The following PDE8A variants were observed in gnomAD, a reference collection of about 807,000 sequenced individuals.
The protein encoded by PDE8A is phosphodiesterase 8A.
A neutral mutation model predicts 105.0 loss-of-function variants in PDE8A; 59 were observed. The observed-to-expected ratio is 0.56, with a 90% CI of 0.46 to 0.70. The LOEUF (loss-of-function observed/expected upper bound fraction) is 0.70, where lower values mean the gene tolerates loss of function less well. Ranked by LOEUF, PDE8A falls within the 30% of genes least tolerant of loss-of-function variation. PDE8A has a pLI of 0.00. For missense variants in PDE8A, 1,014 were observed against 1,045.9 expected, an observed-to-expected ratio of 0.97 and a Z score of 0.42; for synonymous variants, 355 against 371.9, an observed-to-expected ratio of 0.95 and a Z score of 0.52.
chr15:84,989,716 A>G (rs770059789), intron 1 of PDE8A, among the ~76,000 whole-genome samples: 15 of 152,368 alleles, frequency 9.8e-5, no homozygotes, highest in Middle Eastern at 6.8e-3. Context: ...GTAAACTCCA[A>G]GACACTATCG....
At chr15:85,009,041 C>A (rs970968206) in intron 1 of PDE8A, among the ~76,000 whole-genome samples, 2 of 151,664 alleles carry the variant, frequency 1.3e-5, no homozygotes, top group Non-Finnish European at 2.9e-5. Flanking sequence ...AGGAAGTGTC[C>A]TTCACACAAC....
chr15:85,077,565 G>T (rs1271026168), intron 5 of PDE8A, among the ~76,000 whole-genome samples: 1 of 152,126 alleles, frequency 6.6e-6, no homozygotes, highest in East Asian at 1.9e-4. Flanking sequence ...GCCCGCAGAG[G>T]ATCTCCATAA....
intron 1 of PDE8A, among the ~76,000 whole-genome samples, chr15:85,009,610 C>T (rs371904448): frequency 1.1e-4 from 16 of 152,154 alleles, no homozygotes; most frequent in Admixed American, 2.6e-4. Flanking sequence ...AGATTTTCTC[C>T]GGACTGTGGT....
chr15:85,102,230 C>T (rs770000591), intron 11 of PDE8A, among the ~76,000 whole-genome samples: 5 of 152,062 alleles, frequency 3.3e-5, no homozygotes, highest in Non-Finnish European at 5.9e-5. Context: ...ACGAGGGAGT[C>T]TGGAGAGCGT....
chr15:85,110,325 C>G (rs1327164811), intron 12 of PDE8A, among the ~76,000 whole-genome samples: 1 of 152,120 alleles, frequency 6.6e-6, no homozygotes, highest in Non-Finnish European at 1.5e-5. Flanking sequence ...TTTCTTATAA[C>G]TTTTTATGAT....
At chr15:85,009,252 A>T (rs1042735978) in intron 1 of PDE8A, among the ~76,000 whole-genome samples, 1 of 152,100 alleles carries the variant, frequency 6.6e-6, no homozygotes, top group Non-Finnish European at 1.5e-5. Context: ...TATGGAGACA[A>T]TTTTAGTTCT....
At chr15:85,099,277 G>A (rs1038088812) in intron 9 of PDE8A, among the ~76,000 whole-genome samples, 1 of 152,200 alleles carries the variant, frequency 6.6e-6, no homozygotes, top group African/African-American at 2.4e-5. Flanking sequence ...TCTAGCCCAG[G>A]GGTCCAGCTG....
In PDE8A at chr15:85,128,790, A is replaced by T. The variant is rs182604845; in HGVS notation, c.2253+2416A>T. Among the ~76,000 whole-genome samples, 7 of 152,366 alleles carry T rather than the reference A, an allele frequency of 4.6e-5. No individual in the cohort carries two copies. In the East Asian group the frequency reaches 1.3e-3, roughly 29 times the overall value. On this transcript the variant is annotated intron_variant, in intron 20 of 21. Coordinates refer to ENST00000394553, the MANE Select transcript of PDE8A (RefSeq NM_002605.3). ...TAAGCACATGAAAAAAGTGCTGAAC[A>T]TCATTAGTCATCTGGGAAATTCAAA...
chr15:85,116,352 C>A, intron 16 of PDE8A: 1 of 511,886 alleles, frequency 2.0e-6, no homozygotes, highest in Non-Finnish European at 3.5e-6. Context: ...GTGACTTCTC[C>A]AAGTAGCACA....
At chr15:85,034,938 G>A (rs760024556) in intron 1 of PDE8A, among the ~76,000 whole-genome samples, 1 of 152,056 alleles carries the variant, frequency 6.6e-6, no homozygotes, top group Admixed American at 6.5e-5. Flanking sequence ...ATAAATAAGT[G>A]ACCATTAGAC....
chr15:85,109,301 G>T (rs1408058682), intron 12 of PDE8A, among the ~76,000 whole-genome samples, 171 bp downstream of exon 12: 3 of 152,176 alleles, frequency 2.0e-5, no homozygotes, highest in African/African-American at 4.8e-5. Flanking sequence ...CTGCCAATGG[G>T]CTCCATTCTG....
intron 3 of PDE8A, among the ~76,000 whole-genome samples, chr15:85,071,481 G>C (rs1366939800): frequency 2.0e-5 from 3 of 152,222 alleles, no homozygotes; most frequent in Non-Finnish European, 2.9e-5. Flanking sequence ...AAGGGACAGA[G>C]GTATAAGGAA....
intron 1 of PDE8A, among the ~76,000 whole-genome samples, chr15:85,007,187 TAGG>T (rs2080161944): frequency 6.6e-6 from 1 of 151,972 alleles, no homozygotes; most frequent in South Asian, 2.1e-4. Context: ...AGAGGGGGAC[TAGG>T]AGAACAGATG....
intron 1 of PDE8A, among the ~76,000 whole-genome samples, chr15:85,017,077 A>G (rs999208975): frequency 6.6e-6 from 1 of 151,118 alleles, no homozygotes; most frequent in Non-Finnish European, 1.5e-5. Flanking sequence ...CTGGCTAACA[A>G]GGTGAAACCC....
chr15:84,999,304 A>G (rs531801708), intron 1 of PDE8A, among the ~76,000 whole-genome samples: 1 of 152,038 alleles, frequency 6.6e-6, no homozygotes, highest in Admixed American at 6.5e-5. Flanking sequence ...TATTTTTAGT[A>G]GAGATGGGGT....
In PDE8A at chr15:85,055,023, G is replaced by T. The variant is rs374965744; in HGVS notation, c.187-9347G>T. On this transcript the variant is annotated intron_variant, in intron 1 of 21. Coordinates refer to ENST00000394553, the MANE Select transcript of PDE8A (RefSeq NM_002605.3). ...TCTGGTATGTTGTGTCTTTGTTCTC[G>T]TTGGTTTCAAAGAACCTCTTTATTT... 2.7e-4 allele frequency among the ~76,000 whole-genome samples: 41 copies of T among 152,068 alleles called. No homozygotes were observed. The East Asian group carries it at 3.7e-3, about 14-fold the overall frequency.
Position 85,124,991 on chromosome 15 carries a change from G to A in PDE8A, c.2086-1216G>A, listed in dbSNP as rs866931920. 7.6e-4 allele frequency among the ~76,000 whole-genome samples: 116 copies of A among 152,202 alleles called. 2 individuals are homozygous for A. The highest frequency in any genetic ancestry group is 2.7e-3 in the African/African-American group (113 of 41,442). On this transcript the variant is annotated intron_variant, in intron 19 of 21. Transcript: ENST00000394553. ...ATCCAGTGGGTCAGAGCAGGAGAAA[G>A]GAAGATGAAAGAGAATAGTTTCCAG...
intron 1 of PDE8A, among the ~76,000 whole-genome samples, chr15:85,044,930 C>G (rs1164925828): frequency 2.0e-5 from 3 of 152,128 alleles, no homozygotes; most frequent in Non-Finnish European, 4.4e-5. Flanking sequence ...ATCGTATGAC[C>G]CCTGCTTAGC....
chr15:85,033,205 C>T (rs1300781015), intron 1 of PDE8A, among the ~76,000 whole-genome samples: 4 of 152,230 alleles, frequency 2.6e-5, no homozygotes, highest in African/African-American at 7.2e-5. Flanking sequence ...CATTTTCCAA[C>T]GTAAGGGACA....
Sources: gnomAD v4.1 joint callset for allele counts (sites outside exome capture counted in the v4.1 genomes callset) on GRCh38, gnomAD v4.1.1 for gene constraint, MANE v1.5 for transcripts, NCBI Gene and HGNC (gene_info 2026-07-23, HGNC 2026-07-21) for gene names.